The following DEPDC1B variants were observed in gnomAD, a reference collection of about 807,000 sequenced individuals.
The protein encoded by DEPDC1B is DEP domain-containing protein 1B.
In DEPDC1B, 51 loss-of-function variants were observed where a neutral mutation model predicts 66.5. The ratio of observed to expected loss-of-function variants is 0.77; its 90% CI spans 0.61 to 0.97. The LOEUF (loss-of-function observed/expected upper bound fraction) is 0.97. Among genes scored for constraint, DEPDC1B ranks in the 50% least tolerant of loss-of-function variants. DEPDC1B has a pLI of 0.00. For synonymous variants in DEPDC1B, 226 were observed against 223.6 expected (o/e 1.01, Z -0.10); for missense variants, 552 against 637.1 (o/e 0.87, Z 1.44).
chr5:60,679,216 T>C (rs2112011163), intron 2 of DEPDC1B, among the ~76,000 whole-genome samples: 1 of 152,326 alleles, frequency 6.6e-6, no homozygotes, highest in Non-Finnish European at 1.5e-5. Context: ...TATTTATATG[T>C]ATCTGTTTCT....
At chr5:60,602,016 G>C (rs1752207897) in intron 9 of DEPDC1B, among the ~76,000 whole-genome samples, 1 of 152,148 alleles carries the variant, frequency 6.6e-6, no homozygotes, top group African/African-American at 2.4e-5. Context: ...AAAGGCTCCT[G>C]AGTCTGTGCT....
intron 1 of DEPDC1B, among the ~76,000 whole-genome samples, chr5:60,698,616 C>A (rs1754706633): frequency 6.6e-6 from 1 of 152,072 alleles, no homozygotes; most frequent in South Asian, 2.1e-4. Flanking sequence ...AAATAAAATG[C>A]TTGTCTTTAT....
At position 60,645,586 on chromosome 5, in the gene DEPDC1B, C is replaced by G; in HGVS notation, c.484G>C (p.Ala162Pro). The change falls in exon 4 of 11, where the codon GCA becomes CCA. Residue 162 changes from alanine to proline, a missense_variant. Coordinates refer to ENST00000265036, the MANE Select transcript of DEPDC1B (RefSeq NM_018369.3). The stretch of plus-strand genomic sequence containing the variant: ...CGGCAAGCTGGCACCTCTCCAATTG[C>G]AATACTGTGACGCTTGTACCACATC... ...SEMWYKRHSIAIGEVPACRLV... is the reference protein window; with the variant it reads ...SEMWYKRHSIPIGEVPACRLV... The G allele has an allele frequency of 6.2e-7, 1 of 1,612,732 alleles. No homozygotes were observed. The highest frequency in any genetic ancestry group is 8.5e-7 in the Non-Finnish European group (1 of 1,179,354).
At chr5:60,657,712 A>G (rs189516500) in intron 2 of DEPDC1B, among the ~76,000 whole-genome samples, 16 of 152,308 alleles carry the variant, frequency 1.1e-4, no homozygotes, top group African/African-American at 3.8e-4. Flanking sequence ...TTTGCCTCAC[A>G]ACTCTTAAGA....
chr5:60,638,270 T>C (rs1753105865), intron 7 of DEPDC1B, among the ~76,000 whole-genome samples: 1 of 152,190 alleles, frequency 6.6e-6, no homozygotes, highest in East Asian at 1.9e-4. Context: ...CTACATGTTT[T>C]AATTAATGAT....
chr5:60,635,214 A>G (rs550992919), intron 7 of DEPDC1B, among the ~76,000 whole-genome samples: 1 of 152,336 alleles, frequency 6.6e-6, no homozygotes, highest in South Asian at 2.1e-4. Context: ...AAAACAAAAA[A>G]AAATTGTTTT....
chr5:60,691,085 A>G (rs1388278295), intron 1 of DEPDC1B, among the ~76,000 whole-genome samples: 3 of 146,028 alleles, frequency 2.1e-5, no homozygotes, highest in Non-Finnish European at 4.5e-5. Flanking sequence ...ACGGAGTCTC[A>G]CCGTATAGTC....
rs1753919164 is a variant in DEPDC1B at position 60,668,030 on chromosome 5, G to GGATATTTTATATATATATAAAATT, written c.314+18931_314+18932insAATTTTATATATATATAAAATATC. On this transcript the variant is annotated intron_variant, in intron 2 of 10. Transcript: ENST00000265036. ...TGGATATTTTATATATATATAAAAT[G>GGATATTTTATATATATATAAAATT]GATATTTTATATATATATAAAATGG... is the stretch of plus-strand genomic sequence containing the variant. Among the ~76,000 whole-genome samples, 5 of 87,846 alleles carry GGATATTTTATATATATATAAAATT rather than the reference G, an allele frequency of 5.7e-5. 1 individual carries two copies. Among genetic ancestry groups the GGATATTTTATATATATATAAAATT allele is most frequent in the Non-Finnish European group, 1.0e-4 (5 of 48,606 alleles). The allele number at this position is 87,846 out of a possible 152,430, so 57.6% of individuals were successfully genotyped here. A position where few individuals can be genotyped will look rare whatever the true frequency, so the allele number is the denominator to read the frequency against.
intron 2 of DEPDC1B, among the ~76,000 whole-genome samples, chr5:60,664,353 G>T (rs920457873): frequency 6.6e-6 from 1 of 152,212 alleles, no homozygotes; most frequent in African/African-American, 2.4e-5. Flanking sequence ...AAATGATACA[G>T]GGAAAGAGAT....
intron 2 of DEPDC1B, among the ~76,000 whole-genome samples, chr5:60,656,426 G>A (rs1327419665): frequency 6.6e-6 from 1 of 152,088 alleles, no homozygotes; most frequent in African/African-American, 2.4e-5. Context: ...GGGATTACAG[G>A]CATGAGCCAC....
chr5:60,646,768 G>T (rs905235001), intron 3 of DEPDC1B, among the ~76,000 whole-genome samples: 1 of 152,176 alleles, frequency 6.6e-6, no homozygotes, highest in African/African-American at 2.4e-5. Flanking sequence ...GCAGCTCCCT[G>T]TTGTTCACAT....
chr5:60,645,642 A>C (rs746105532), intron 3 of DEPDC1B, 23 bp from the exon 4 acceptor site: 2 of 1,591,032 alleles, frequency 1.3e-6, no homozygotes, highest in Admixed American at 3.6e-5. Flanking sequence ...GGATGTAAGA[A>C]GGGAGGGAAG....
chr5:60,626,198 CT>C (rs761510295), intron 7 of DEPDC1B, among the ~76,000 whole-genome samples: 1 of 152,102 alleles, frequency 6.6e-6, no homozygotes, highest in Non-Finnish European at 1.5e-5. Context: ...AAAATGGAAT[CT>C]TTTACTTAGA....
chr5:60,696,605 A>C (rs1051565953), intron 1 of DEPDC1B, among the ~76,000 whole-genome samples: 2 of 152,238 alleles, frequency 1.3e-5, no homozygotes, highest in Non-Finnish European at 2.9e-5. Context: ...AATAACAAGA[A>C]AGAGCTTGAG....
chr5:60,613,959 G>A (rs1752479517), intron 7 of DEPDC1B, among the ~76,000 whole-genome samples: 1 of 152,108 alleles, frequency 6.6e-6, no homozygotes, highest in Non-Finnish European at 1.5e-5. Flanking sequence ...TTGTACCAGT[G>A]ATACTTAGTC....
intron 3 of DEPDC1B, among the ~76,000 whole-genome samples, chr5:60,646,348 C>T (rs901390238): frequency 6.6e-6 from 1 of 152,138 alleles, no homozygotes; most frequent in African/African-American, 2.4e-5. Context: ...CACATCCTAA[C>T]CTTCTTACCC....
chr5:60,696,452 T>C (rs12187325), intron 1 of DEPDC1B, among the ~76,000 whole-genome samples: 7,679 of 152,280 alleles, frequency 0.05, 232 homozygotes, highest in Non-Finnish European at 0.078. Flanking sequence ...TGAGGTCACT[T>C]TGGTCTCTGT....
intron 2 of DEPDC1B, among the ~76,000 whole-genome samples, chr5:60,651,042 C>G (rs924693762): frequency 6.6e-6 from 1 of 152,134 alleles, no homozygotes; most frequent in African/African-American, 2.4e-5. Flanking sequence ...ACCATGTTGT[C>G]AAATACCTAA....
chr5:60,677,184 A>C (rs949328893), intron 2 of DEPDC1B, among the ~76,000 whole-genome samples: 7 of 152,150 alleles, frequency 4.6e-5, no homozygotes, highest in African/African-American at 1.7e-4. Context: ...AACAAAATAG[A>C]TATGTCAACC....
Sources: allele counts gnomAD v4.1 joint callset (sites outside exome capture counted in the v4.1 genomes callset), GRCh38; gene constraint gnomAD v4.1.1; transcripts MANE v1.5; gene names NCBI Gene and HGNC (gene_info 2026-07-23, HGNC 2026-07-21).